STIMATE: variants seen among roughly 807,000 people sequenced by gnomAD.
STIMATE encodes the protein store-operated calcium entry regulator STIMATE.
Under a neutral mutation model 36.7 loss-of-function variants are expected in STIMATE, and 15 were observed. The observed-to-expected ratio is 0.41, with a 90% confidence interval of 0.27 to 0.63. STIMATE has a LOEUF of 0.63. Ranked by LOEUF, STIMATE falls within the 20% of genes least tolerant of loss-of-function variation. The pLI is 0.32. For synonymous variants in STIMATE, 163 were observed against 162.3 expected (o/e 1.00, Z -0.03); for missense variants, 305 against 397.3 (o/e 0.77, Z 1.98).
intron 1 of STIMATE, among the ~76,000 whole-genome samples, chr3:52,870,747 G>A (rs1701389228): frequency 2.6e-5 from 4 of 152,166 alleles, no homozygotes; most frequent in African/African-American, 9.7e-5. Flanking sequence ...CAGGCGCCTG[G>A]GAGGTGCCCA....
chr3:52,857,879 T>C (rs1157646772), intron 1 of STIMATE, among the ~76,000 whole-genome samples: 2 of 152,114 alleles, frequency 1.3e-5, no homozygotes, highest in African/African-American at 4.8e-5. Flanking sequence ...GCGAGACTAT[T>C]TGGAGACCAG....
At chr3:52,877,315 T>G (rs542828402) in intron 1 of STIMATE, among the ~76,000 whole-genome samples, 1 of 152,240 alleles carries the variant, frequency 6.6e-6, no homozygotes, top group Admixed American at 6.5e-5. Context: ...TCCAGGCTTG[T>G]GCTCTTGGGC....
intron 7 of STIMATE, among the ~76,000 whole-genome samples, chr3:52,841,355 T>C (rs1208230764): frequency 1.3e-5 from 2 of 152,226 alleles, no homozygotes; most frequent in African/African-American, 2.4e-5. Context: ...CAGGGGGAGT[T>C]CAGCGTGGCT....
intron 1 of STIMATE, among the ~76,000 whole-genome samples, chr3:52,859,697 A>T (rs1321017534): frequency 6.6e-6 from 1 of 151,540 alleles, no homozygotes; most frequent in African/African-American, 2.4e-5. Context: ...AGAGAAAAAA[A>T]GAAAAAAATC....
At chr3:52,870,101 C>T (rs1240314434) in intron 1 of STIMATE, among the ~76,000 whole-genome samples, 3 of 152,120 alleles carry the variant, frequency 2.0e-5, no homozygotes, top group African/African-American at 4.8e-5. Flanking sequence ...CTTCAGCCTC[C>T]GGAGTAGCTG....
intron 1 of STIMATE, among the ~76,000 whole-genome samples, chr3:52,870,765 C>T (rs76486402): frequency 0.022 from 3,343 of 152,206 alleles, 166 homozygotes; most frequent in South Asian, 0.2. Context: ...CCAGGAAACA[C>T]GGCAGGATTG....
At chr3:52,850,368 G>A (rs558388969) in intron 3 of STIMATE, among the ~76,000 whole-genome samples, 2 of 152,232 alleles carry the variant, frequency 1.3e-5, no homozygotes, top group African/African-American at 4.8e-5. Flanking sequence ...GGAGGTGGAG[G>A]TTGCAGTGAG....
At position 52,897,353 on chromosome 3, in the gene STIMATE, A is replaced by G. The variant is rs1408607015; in HGVS notation, c.98T>C (p.Met33Thr). The G allele has an allele frequency of 6.5e-7, 1 of 1,529,732 alleles. No homozygotes were observed. Among genetic ancestry groups the G allele is most frequent in the Non-Finnish European group, 8.7e-7 (1 of 1,146,060 alleles). 94.8% of individuals were successfully genotyped at this position (1,529,732 alleles called of 1,614,324 possible). A position where few individuals can be genotyped will look rare whatever the true frequency, so the allele number is the denominator to read the frequency against. The change falls in exon 1 of 8, where the codon ATG (methionine) becomes ACG (threonine). Residue 33 changes from methionine (M) to threonine (T), a missense_variant. By Grantham distance (81) the Met-to-Thr change is moderately conservative. Around this residue, in one of 3 missense-constraint regions of STIMATE, gnomAD observed 57 missense variants for 57.1 expected, o/e 1.00. Coordinates refer to ENST00000355083, the MANE Select transcript of STIMATE (RefSeq NM_198563.5). ...CTGCAGGAAGATGCCGAAGCTGTGC[A>G]TGAGCGCGCCGCTCTCGCAGCGGCC... is the stretch of plus-strand genomic sequence containing the variant. ...GAGRCESGAL[M>T]HSFGIFLQGL...
intron 1 of STIMATE, among the ~76,000 whole-genome samples, chr3:52,876,724 T>C (rs569078349): frequency 2.0e-5 from 3 of 152,252 alleles, no homozygotes; most frequent in Non-Finnish European, 4.4e-5. Context: ...TCTCATTTTA[T>C]TGTAAGAATA....
At chr3:52,876,685 TCTTA>T (rs754517644) in intron 1 of STIMATE, among the ~76,000 whole-genome samples, 2 of 152,270 alleles carry the variant, frequency 1.3e-5, no homozygotes, top group African/African-American at 2.4e-5. Context: ...TTATGATTTT[TCTTA>T]CTAACATTTC....
chr3:52,859,605 C>T (rs558499305), intron 1 of STIMATE, among the ~76,000 whole-genome samples: 13 of 105,294 alleles, frequency 1.2e-4, no homozygotes, highest in South Asian at 7.3e-4. Flanking sequence ...GAGACTGAGG[C>T]GGGAAGGGAT....
At chr3:52,852,178 A>T (rs1228430777) in intron 3 of STIMATE, among the ~76,000 whole-genome samples, 1 of 152,220 alleles carries the variant, frequency 6.6e-6, no homozygotes, top group Non-Finnish European at 1.5e-5. Flanking sequence ...GATAAGGTGG[A>T]AGAGGTCAAT....
At chr3:52,873,247 C>G (rs895212100) in intron 1 of STIMATE, among the ~76,000 whole-genome samples, 3 of 152,110 alleles carry the variant, frequency 2.0e-5, no homozygotes, top group Non-Finnish European at 4.4e-5. Flanking sequence ...GCAGTAGGAG[C>G]GAGGGGGCAT....
At chr3:52,855,333 C>CCACCCCCAA in intron 2 of STIMATE, 63 bp downstream of exon 2, 1 of 1,573,548 alleles carries the variant, frequency 6.4e-7, no homozygotes, top group Non-Finnish European at 8.7e-7. Context: ...ACCCCACCCC[C>CCACCCCCAA]AGCCCCAAGA....
At chr3:52,873,643 T>C (rs1575342412) in intron 1 of STIMATE, among the ~76,000 whole-genome samples, 1 of 151,776 alleles carries the variant, frequency 6.6e-6, no homozygotes, top group Non-Finnish European at 1.5e-5. Context: ...AGGGGTGGGG[T>C]GGGAGGTGCA....
rs904372707 is a variant in STIMATE at position 52,840,358 on chromosome 3, G to A, written c.*136C>T. 9 of 1,032,906 alleles carry A rather than the reference G, an allele frequency of 8.7e-6. No individual in the cohort carries two copies. Among genetic ancestry groups the A allele is most frequent in the Admixed American group, 2.3e-5 (1 of 42,926 alleles). The allele number at this position is 1,032,906 out of a possible 1,614,324, so 64.0% of individuals were successfully genotyped here. On this transcript the variant is annotated 3_prime_UTR_variant, in exon 8 of 8. Coordinates refer to ENST00000355083, the MANE Select transcript of STIMATE (RefSeq NM_198563.5). Reference sequence around the variant, plus strand: ...AAGTCACAGTAGTCTGGGGGCAGGCGAGAGCGGGCAGAGACAGCAAGAGGA... The same window carrying A: ...AAGTCACAGTAGTCTGGGGGCAGGCAAGAGCGGGCAGAGACAGCAAGAGGA...
intron 6 of STIMATE, among the ~76,000 whole-genome samples, 194 bp downstream of exon 6, chr3:52,843,527 G>A (rs1460544318): frequency 6.6e-6 from 1 of 152,166 alleles, no homozygotes; most frequent in Non-Finnish European, 1.5e-5. Context: ...TCCTGGACGG[G>A]AGCCCTGGTA....
intron 1 of STIMATE, among the ~76,000 whole-genome samples, chr3:52,856,486 G>A (rs1244652082): frequency 1.4e-5 from 2 of 141,896 alleles, no homozygotes; most frequent in Non-Finnish European, 3.1e-5. Context: ...TTCGAGACCA[G>A]CCTGGGTAAC....
At chr3:52,897,237 C>T in intron 1 of STIMATE, 54 bp downstream of exon 1, 1 of 1,516,310 alleles carries the variant, frequency 6.6e-7, no homozygotes, top group Non-Finnish European at 8.8e-7. Flanking sequence ...CCAGGGGGGC[C>T]GGGCCGCGGC....
Sources: gnomAD v4.1 joint callset for allele counts (sites outside exome capture counted in the v4.1 genomes callset) on GRCh38, gnomAD v4.1.1 for gene constraint, gnomAD v4.1.1 regional missense constraint, MANE v1.5 for transcripts, NCBI Gene and HGNC (gene_info 2026-07-23, HGNC 2026-07-21) for gene names.